ZNF385D: variants seen among roughly 807,000 people sequenced by gnomAD.
ZNF385D encodes zinc finger protein 385D.
ZNF385D carries 15 observed loss-of-function variants against 35.8 expected under a neutral mutation model. The observed-to-expected ratio is 0.42, with a 90% CI of 0.28 to 0.64. ZNF385D has a LOEUF of 0.64. Among genes scored for constraint, ZNF385D ranks in the 30% least tolerant of loss-of-function variants. ZNF385D has a pLI of 0.23. For missense variants in ZNF385D, 474 were observed against 494.6 expected, an observed-to-expected ratio of 0.96 and a Z score of 0.39; for synonymous variants, 212 against 186.8, an observed-to-expected ratio of 1.13 and a Z score of -1.10.
At chr3:22,174,298 T>C (rs1694672195) in intron 2 of ZNF385D, among the ~76,000 whole-genome samples, 1 of 152,188 alleles carries the variant, frequency 6.6e-6, no homozygotes, top group Admixed American at 6.5e-5. Flanking sequence ...TTAGTCACTG[T>C]TCTTGCATCT....
chr3:22,171,212 G>C (rs1312596813), intron 2 of ZNF385D, among the ~76,000 whole-genome samples: 3 of 152,328 alleles, frequency 2.0e-5, no homozygotes, highest in East Asian at 1.9e-4. Flanking sequence ...ATGCTACAGA[G>C]ATAGTCACAG....
chr3:22,045,783 C>G (rs1698966385), intron 3 of ZNF385D, among the ~76,000 whole-genome samples: 1 of 151,926 alleles, frequency 6.6e-6, no homozygotes, highest in Non-Finnish European at 1.5e-5. Context: ...AGCCTGGCGA[C>G]ACTAAGATCA....
chr3:21,572,292 A>G (rs2063358251), intron 2 of ZNF385D, among the ~76,000 whole-genome samples: 1 of 152,226 alleles, frequency 6.6e-6, no homozygotes, highest in African/African-American at 2.4e-5. Flanking sequence ...CTTTTGATAC[A>G]TAATTTTATA....
chr3:22,282,505 A>G (rs1701809594), intron 2 of ZNF385D, among the ~76,000 whole-genome samples: 1 of 152,058 alleles, frequency 6.6e-6, no homozygotes, highest in Non-Finnish European at 1.5e-5. Context: ...ATCATTCAGG[A>G]GCAGGTTATT....
At position 21,875,344 on chromosome 3, in the gene ZNF385D, G is replaced by T. The variant is rs145576734; in HGVS notation, c.326-210316C>A. ...TCCTCATTCCCCTAAATGTAAATTA[G>T]ATCATAGCCTCCATCAGTTCTTCTT... is the stretch of plus-strand genomic sequence containing the variant. On this transcript the variant is annotated intron_variant, in intron 3 of 5. Coordinates refer to the ZNF385D transcript ENST00000494108. 3.3e-3 allele frequency among the ~76,000 whole-genome samples: 498 copies of T among 151,954 alleles called. 1 individual carries two copies. The highest frequency in any genetic ancestry group is 0.011 in the African/African-American group (453 of 41,460).
At chr3:22,317,280 C>CAAAAAAA (rs59675675) in intron 2 of ZNF385D, among the ~76,000 whole-genome samples, 4 of 26,102 alleles carry the variant, frequency 1.5e-4, no homozygotes, top group East Asian at 9.4e-4. Flanking sequence ...ACTCCATCTC[C>CAAAAAAA]AAAAAAAAAA....
intron 3 of ZNF385D, among the ~76,000 whole-genome samples, chr3:22,065,982 G>A (rs1262210104): frequency 6.6e-6 from 1 of 151,924 alleles, no homozygotes; most frequent in African/African-American, 2.4e-5. Context: ...GACCACCTAA[G>A]GATTATTTAT....
intron 3 of ZNF385D, among the ~76,000 whole-genome samples, chr3:21,886,925 G>A (rs1009543861): frequency 1.1e-4 from 16 of 151,978 alleles, no homozygotes; most frequent in African/African-American, 3.6e-4. Flanking sequence ...CATATGGGTC[G>A]GCCAAATGAC....
At chr3:21,721,684 T>G (rs563509361) in intron 1 of ZNF385D, among the ~76,000 whole-genome samples, 1 of 152,274 alleles carries the variant, frequency 6.6e-6, no homozygotes, top group African/African-American at 2.4e-5. Context: ...ATGCTATACT[T>G]TATGGAAAAG....
intron 3 of ZNF385D, among the ~76,000 whole-genome samples, chr3:21,867,802 T>G (rs921841997): frequency 1.3e-5 from 2 of 151,858 alleles, no homozygotes; most frequent in African/African-American, 4.8e-5. Flanking sequence ...AAGCCAGAGC[T>G]GTCCAACAAA....
At chr3:21,849,562 AT>A (rs1423348413) in intron 3 of ZNF385D, 2 of 150,172 alleles carry the variant, frequency 1.3e-5, no homozygotes, top group African/African-American at 4.9e-5. Flanking sequence ...CACACCACAA[AT>A]AGAATTTGGT....
At chr3:21,823,676 T>A (rs1694418557) in intron 3 of ZNF385D, among the ~76,000 whole-genome samples, 1 of 152,226 alleles carries the variant, frequency 6.6e-6, no homozygotes, top group East Asian at 1.9e-4. Context: ...TGAAACAAAA[T>A]TCAATAGCAG....
intron 2 of ZNF385D, among the ~76,000 whole-genome samples, chr3:21,642,109 C>T (rs757520190): frequency 5.9e-5 from 9 of 152,120 alleles, no homozygotes; most frequent in Non-Finnish European, 1.3e-4. Context: ...ACACCCTATG[C>T]AAATGGCACA....
intron 3 of ZNF385D, among the ~76,000 whole-genome samples, chr3:21,899,181 T>C (rs1236571346): frequency 1.3e-5 from 2 of 152,070 alleles, no homozygotes; most frequent in Non-Finnish European, 2.9e-5. Context: ...AGAATGTTAC[T>C]GTACGTGCTA....
chr3:21,894,068 C>A (rs763580412), intron 3 of ZNF385D, among the ~76,000 whole-genome samples: 1 of 152,108 alleles, frequency 6.6e-6, no homozygotes, highest in Non-Finnish European at 1.5e-5. Context: ...CAGTTAGATA[C>A]ATGTTTTCCA....
chr3:22,095,664 T>G (rs1001954583), intron 3 of ZNF385D, among the ~76,000 whole-genome samples: 1 of 62,888 alleles, frequency 1.6e-5, no homozygotes, highest in African/African-American at 5.8e-5. Flanking sequence ...GAAATTGATT[T>G]CTTTATTTTA....
At chr3:22,117,729 A>T (rs1029460616) in intron 3 of ZNF385D, among the ~76,000 whole-genome samples, 1 of 152,076 alleles carries the variant, frequency 6.6e-6, no homozygotes, top group Non-Finnish European at 1.5e-5. Context: ...AATAATGATT[A>T]AAAAGTATTT....
chr3:22,025,662 G>T (rs1220698914), intron 3 of ZNF385D, among the ~76,000 whole-genome samples: 2 of 152,130 alleles, frequency 1.3e-5, no homozygotes, highest in African/African-American at 2.4e-5. Context: ...ATGGCCCACT[G>T]TGAGCGAGCT....
intron 2 of ZNF385D, among the ~76,000 whole-genome samples, chr3:22,229,379 C>T (rs568724370): frequency 2.5e-4 from 38 of 152,248 alleles, no homozygotes; most frequent in East Asian, 1.2e-3. Flanking sequence ...CACTGTTGGC[C>T]GCCTCCCAGG....
Sources: gnomAD v4.1 joint callset for allele counts (sites outside exome capture counted in the v4.1 genomes callset) on GRCh38, gnomAD v4.1.1 for gene constraint, MANE v1.5 for transcripts, NCBI Gene and HGNC (gene_info 2026-07-23, HGNC 2026-07-21) for gene names.